CDH12: variants seen among roughly 807,000 people sequenced by gnomAD.
The protein encoded by CDH12 is cadherin 12, also known as cadherin-12.
In CDH12, 41 loss-of-function variants were observed where a neutral mutation model predicts 74.1. That is an observed-to-expected ratio of 0.55 (90% CI 0.43 to 0.72). CDH12 has a LOEUF of 0.72. Among genes scored for constraint, CDH12 ranks in the 30% least tolerant of loss-of-function variants. The pLI is 0.00. For synonymous variants in CDH12, 399 were observed against 355.0 expected, an observed-to-expected ratio of 1.12 and a Z score of -1.39; for missense variants, 945 against 977.2, an observed-to-expected ratio of 0.97 and a Z score of 0.44.
At chr5:22,137,894 A>G (rs570868309) in intron 4 of CDH12, among the ~76,000 whole-genome samples, 149 of 152,266 alleles carry the variant, frequency 9.8e-4, no homozygotes, top group African/African-American at 3.5e-3. Context: ...CTCTGTGTAC[A>G]CTACTGCTCA....
At chr5:22,816,208 A>G (rs1046704079) in intron 1 of CDH12, among the ~76,000 whole-genome samples, 1 of 152,178 alleles carries the variant, frequency 6.6e-6, no homozygotes, top group African/African-American at 2.4e-5. Flanking sequence ...TAAAACTTGA[A>G]CGAGGTTGAT....
intron 2 of CDH12, among the ~76,000 whole-genome samples, chr5:22,504,382 G>A (rs1267045988): frequency 1.3e-5 from 2 of 151,968 alleles, no homozygotes; most frequent in Non-Finnish European, 2.9e-5. Flanking sequence ...AAAAAGAAAA[G>A]GCTTCATCTT....
At chr5:22,098,139 C>A (rs1743909733) in intron 4 of CDH12, among the ~76,000 whole-genome samples, 1 of 152,150 alleles carries the variant, frequency 6.6e-6, no homozygotes, top group Admixed American at 6.5e-5. Flanking sequence ...CCTCTCTTTG[C>A]TTTCACTTGG....
chr5:21,997,061 T>C (rs1326710924), intron 5 of CDH12, among the ~76,000 whole-genome samples: 1 of 152,190 alleles, frequency 6.6e-6, no homozygotes, highest in African/African-American at 2.4e-5. Flanking sequence ...AATTATTTTA[T>C]AGATATTATC....
intron 5 of CDH12, among the ~76,000 whole-genome samples, chr5:21,990,840 GATTAA>G (rs1028320253): frequency 1.3e-5 from 2 of 151,414 alleles, no homozygotes; most frequent in African/African-American, 4.9e-5. Flanking sequence ...TCAGAGCAGA[GATTAA>G]ACCAGGTCAT....
At chr5:22,014,054 C>A (rs1225830005) in intron 5 of CDH12, among the ~76,000 whole-genome samples, 1 of 152,014 alleles carries the variant, frequency 6.6e-6, no homozygotes, top group African/African-American at 2.4e-5. Context: ...TGGTGAAAAC[C>A]CATCTCTACT....
rs139539386 is a variant in CDH12, at chr5:22,672,488, C to T, written c.-522-167124G>A. On this transcript the variant is annotated intron_variant, in intron 1 of 14. Transcript: ENST00000382254. Reference sequence around the variant, plus strand: ...GTTAGTTATCTTGGGACTAGATTTACGATAAGAGGATGAATCCAACTTGAT... The same window carrying T: ...GTTAGTTATCTTGGGACTAGATTTATGATAAGAGGATGAATCCAACTTGAT... Among the ~76,000 whole-genome samples, 349 of 152,084 alleles carry T rather than the reference C, an allele frequency of 2.3e-3. 1 individual carries two copies. Among genetic ancestry groups the T allele is most frequent in the African/African-American group, 7.5e-3 (311 of 41,472 alleles).
chr5:22,412,822 A>G (rs1743218177), intron 2 of CDH12, among the ~76,000 whole-genome samples: 1 of 151,900 alleles, frequency 6.6e-6, no homozygotes, highest in African/African-American at 2.4e-5. Context: ...CCTGTGCTTT[A>G]TACCTCTATT....
At chr5:21,766,892 C>A (rs1262935039) in intron 11 of CDH12, among the ~76,000 whole-genome samples, 1 of 151,708 alleles carries the variant, frequency 6.6e-6, no homozygotes, top group Non-Finnish European at 1.5e-5. Flanking sequence ...GTAGGTGAAA[C>A]TCTGAAGAGA....
chr5:22,089,902 T>G (rs147971998), intron 4 of CDH12, among the ~76,000 whole-genome samples: 3 of 152,096 alleles, frequency 2.0e-5, no homozygotes, highest in African/African-American at 4.8e-5. Context: ...CAAATGTATG[T>G]AACAAAGCAG....
chr5:22,809,206 A>G (rs1748989083), intron 1 of CDH12, among the ~76,000 whole-genome samples: 1 of 152,044 alleles, frequency 6.6e-6, no homozygotes, highest in Non-Finnish European at 1.5e-5. Context: ...AAGAAATTTT[A>G]GTTATATTTT....
At chr5:22,552,587 C>T (rs371991763) in intron 1 of CDH12, among the ~76,000 whole-genome samples, 1 of 152,006 alleles carries the variant, frequency 6.6e-6, no homozygotes, top group African/African-American at 2.4e-5. Context: ...AGCCACCACA[C>T]CCGGCTAATT....
chr5:22,207,289 C>T (rs931941013), intron 4 of CDH12, among the ~76,000 whole-genome samples: 4 of 149,968 alleles, frequency 2.7e-5, no homozygotes, highest in African/African-American at 9.8e-5. Flanking sequence ...ATAAAAAAAT[C>T]ATGCAAGATG....
chr5:22,815,539 G>T (rs1460949809), intron 1 of CDH12, among the ~76,000 whole-genome samples: 1 of 152,060 alleles, frequency 6.6e-6, no homozygotes, highest in Non-Finnish European at 1.5e-5. Flanking sequence ...GGAGGCTGAG[G>T]GGGGCGGATA....
chr5:22,313,601 G>T (rs546454959), intron 3 of CDH12, among the ~76,000 whole-genome samples: 4 of 152,178 alleles, frequency 2.6e-5, no homozygotes, highest in African/African-American at 9.6e-5. Context: ...TTAATCTGTG[G>T]ATAAAGAAAA....
chr5:22,213,391 A>G (rs1280796304), intron 3 of CDH12, among the ~76,000 whole-genome samples: 2 of 151,816 alleles, frequency 1.3e-5, no homozygotes, highest in African/African-American at 4.8e-5. Flanking sequence ...TTTGCATTGT[A>G]CCCTTAACCA....
intron 1 of CDH12, among the ~76,000 whole-genome samples, chr5:22,508,766 CT>C (rs1483745092): frequency 6.6e-6 from 1 of 152,120 alleles, no homozygotes; most frequent in Non-Finnish European, 1.5e-5. Flanking sequence ...CGCCCCACAG[CT>C]TTGAGTTGTG....
intron 3 of CDH12, among the ~76,000 whole-genome samples, chr5:22,224,478 AGAT>A (rs1561235367): frequency 6.6e-6 from 1 of 152,088 alleles, no homozygotes; most frequent in Non-Finnish European, 1.5e-5. Context: ...CTTTTGTTGT[AGAT>A]GTTGACAAAC....
intron 5 of CDH12, among the ~76,000 whole-genome samples, chr5:21,981,255 G>T (rs1757292692): frequency 7.0e-6 from 1 of 142,986 alleles, no homozygotes; most frequent in African/African-American, 3.0e-5. Context: ...CTAAATTTCA[G>T]TTCACTCAGA....
Sources: allele counts gnomAD v4.1 joint callset (sites outside exome capture counted in the v4.1 genomes callset), GRCh38; gene constraint gnomAD v4.1.1; transcripts MANE v1.5; gene names NCBI Gene and HGNC (gene_info 2026-07-23, HGNC 2026-07-21).